The following AOAH variants were observed in gnomAD, a reference collection of about 807,000 sequenced individuals.
The protein encoded by AOAH is acyloxyacyl hydrolase (neutrophil).
Under a neutral mutation model 92.2 loss-of-function variants are expected in AOAH, and 64 were observed. That is an observed-to-expected ratio of 0.69 (90% confidence interval 0.57 to 0.86). AOAH has a LOEUF of 0.86. Among genes scored for constraint, AOAH ranks in the 40% least tolerant of loss-of-function variants. The pLI is 0.00. For synonymous variants in AOAH, 263 were observed against 254.5 expected, an observed-to-expected ratio of 1.03 and a Z score of -0.32; for missense variants, 656 against 694.6, an observed-to-expected ratio of 0.94 and a Z score of 0.62.
Position 36,522,071 on chromosome 7 carries a change from T to C in AOAH, c.1567A>G (p.Ile523Val). Reference protein sequence around the residue: ...QKRGGQPWQLIEPVDGFHPNE... With the variant: ...QKRGGQPWQLVEPVDGFHPNE... Reference sequence around the variant, plus strand: ...GGGTGGAATCCATCCACGGGCTCGATGAGCTGCCAGGGCTGTCCGCCTCTC... The same window carrying C: ...GGGTGGAATCCATCCACGGGCTCGACGAGCTGCCAGGGCTGTCCGCCTCTC... The change falls in exon 20 of 21, where the codon ATC (isoleucine) becomes GTC (valine). Residue 523 changes from isoleucine to valine, a missense_variant. By Grantham distance (29) the Ile-to-Val change is conservative (BLOSUM62 3). Transcript: ENST00000617537. 6.2e-7 allele frequency: 1 copy of C among 1,614,182 alleles called. No homozygotes were observed. Among genetic ancestry groups the C allele is most frequent in the Admixed American group, 1.7e-5 (1 of 60,030 alleles).
intron 1 of AOAH, among the ~76,000 whole-genome samples, chr7:36,704,530 A>G (rs1225637548): frequency 6.6e-6 from 1 of 152,206 alleles, no homozygotes; most frequent in Non-Finnish European, 1.5e-5. Flanking sequence ...GCCCAGGACC[A>G]GATGGATTCA....
intron 6 of AOAH, among the ~76,000 whole-genome samples, chr7:36,626,792 T>G (rs143253178): frequency 1.3e-5 from 2 of 152,210 alleles, no homozygotes; most frequent in African/African-American, 4.8e-5. Context: ...GTTTTTGTGT[T>G]TGTTTTTATA....
At chr7:36,547,639 T>C (rs1785897423) in intron 15 of AOAH, among the ~76,000 whole-genome samples, 2 of 152,156 alleles carry the variant, frequency 1.3e-5, no homozygotes, top group Non-Finnish European at 2.9e-5. Context: ...CTATTGCTAC[T>C]GGGGAGTTGC....
chr7:36,642,108 G>A (rs983290112), intron 4 of AOAH, among the ~76,000 whole-genome samples: 11 of 152,142 alleles, frequency 7.2e-5, no homozygotes, highest in Admixed American at 6.5e-4. Flanking sequence ...AGCTCAGAAT[G>A]TGACCTTATT....
chr7:36,609,949 C>T (rs1285818198), intron 11 of AOAH, among the ~76,000 whole-genome samples: 1 of 151,990 alleles, frequency 6.6e-6, no homozygotes, highest in African/African-American at 2.4e-5. Context: ...TTTGTTTACA[C>T]TTGCCACAAG....
At chr7:36,684,555 A>C (rs1038219177) in intron 2 of AOAH, among the ~76,000 whole-genome samples, 2 of 152,154 alleles carry the variant, frequency 1.3e-5, no homozygotes, top group Non-Finnish European at 2.9e-5. Flanking sequence ...AGATAAGAAT[A>C]TCACAGTTTT....
intron 13 of AOAH, among the ~76,000 whole-genome samples, chr7:36,571,548 C>T (rs186929186): frequency 1.3e-5 from 2 of 152,342 alleles, no homozygotes; most frequent in East Asian, 3.9e-4. Flanking sequence ...GAGTCCTGAG[C>T]CCACTCCCCA....
chr7:36,530,903 A>C (rs1050892188), intron 18 of AOAH, among the ~76,000 whole-genome samples: 3 of 152,248 alleles, frequency 2.0e-5, no homozygotes, highest in Non-Finnish European at 2.9e-5. Context: ...CCTTTGGCCC[A>C]GTAATTCTTC....
chr7:36,596,166 C>G (rs949749765), intron 11 of AOAH, among the ~76,000 whole-genome samples: 2 of 130,908 alleles, frequency 1.5e-5, no homozygotes, highest in African/African-American at 6.7e-5. Flanking sequence ...AATGAAAGCC[C>G]CCCCACCCCC....
chr7:36,653,511 G>A (rs193003308), intron 4 of AOAH, among the ~76,000 whole-genome samples: 3 of 152,150 alleles, frequency 2.0e-5, no homozygotes, highest in African/African-American at 7.2e-5. Flanking sequence ...GGATTCCAGG[G>A]AAATATGATT....
At chr7:36,688,798 TAC>T (rs370599461) in intron 1 of AOAH, among the ~76,000 whole-genome samples, 4 of 151,402 alleles carry the variant, frequency 2.6e-5, no homozygotes, top group African/African-American at 4.9e-5. Context: ...TATATATATA[TAC>T]ACACACACAC....
intron 15 of AOAH, among the ~76,000 whole-genome samples, chr7:36,544,040 G>A (rs1202084393): frequency 2.2e-5 from 3 of 138,360 alleles, no homozygotes; most frequent in Non-Finnish European, 3.0e-5. Context: ...TCTGCCTCCC[G>A]GGTTCAAGTG....
intron 4 of AOAH, among the ~76,000 whole-genome samples, chr7:36,653,846 C>T (rs1254368309): frequency 3.3e-5 from 5 of 152,152 alleles, no homozygotes; most frequent in African/African-American, 7.2e-5. Flanking sequence ...TTCAAAGCTA[C>T]GAGGTCTGCC....
chr7:36,714,399 C>T (rs1444050405), intron 1 of AOAH, among the ~76,000 whole-genome samples: 19 of 152,158 alleles, frequency 1.2e-4, no homozygotes, highest in South Asian at 2.1e-4. Flanking sequence ...ACCAGAGGTA[C>T]GAGGAGGAAC....
At chr7:36,681,405 GA>G (rs148380634) in intron 2 of AOAH, among the ~76,000 whole-genome samples, 18 of 151,318 alleles carry the variant, frequency 1.2e-4, no homozygotes, top group Admixed American at 2.0e-4. Context: ...CATGTTGCGT[GA>G]AAAAAAAACT....
At chr7:36,721,677 C>G (rs1799637567) in intron 1 of AOAH, among the ~76,000 whole-genome samples, 1 of 152,202 alleles carries the variant, frequency 6.6e-6, no homozygotes, top group Admixed American at 6.5e-5. Flanking sequence ...TAATCAGCAA[C>G]AGAGTCTCCA....
intron 4 of AOAH, among the ~76,000 whole-genome samples, chr7:36,657,581 C>T (rs1162891097): frequency 6.6e-6 from 1 of 152,054 alleles, no homozygotes; most frequent in African/African-American, 2.4e-5. Flanking sequence ...AGAGGGGGAC[C>T]CGAGGCAGAG....
At chr7:36,566,075 C>T (rs1389337338) in intron 13 of AOAH, among the ~76,000 whole-genome samples, 3 of 148,358 alleles carry the variant, frequency 2.0e-5, no homozygotes, top group East Asian at 3.9e-4. Context: ...ATGACCTTGA[C>T]GCTTTTAAGT....
At chr7:36,513,487 C>T (rs1790162017) in intron 20 of AOAH, 107 bp from the exon 21 acceptor site, 1 of 1,078,646 alleles carries the variant, frequency 9.3e-7, no homozygotes, top group Non-Finnish European at 1.4e-6. Flanking sequence ...AGGATGGCCC[C>T]ATGACTCCCA....
Sources: gnomAD v4.1 joint callset for allele counts (sites outside exome capture counted in the v4.1 genomes callset) on GRCh38, gnomAD v4.1.1 for gene constraint, MANE v1.5 for transcripts, NCBI Gene and HGNC (gene_info 2026-07-23, HGNC 2026-07-21) for gene names.